TRHDE: variants seen among roughly 807,000 people sequenced by gnomAD.
TRHDE encodes thyrotropin releasing hormone degrading enzyme, also known as thyrotropin-releasing hormone-degrading ectoenzyme.
Under a neutral mutation model 125.7 loss-of-function variants are expected in TRHDE, and 72 were observed. The observed-to-expected ratio is 0.57, with a 90% CI of 0.47 to 0.70. The LOEUF is 0.70. TRHDE is among the 30% of genes least tolerant of loss of function. The probability of loss-of-function intolerance (pLI) is 0.00; values close to 1 mark genes in which losing one functional copy is unlikely to be tolerated. For missense variants in TRHDE, 1,110 were observed against 1,327.1 expected, an observed-to-expected ratio of 0.84 and a Z score of 2.54; for synonymous variants, 509 against 509.1, an observed-to-expected ratio of 1.00 and a Z score of 0.00.
chr12:72,572,303 T>C (rs1035349275), intron 10 of TRHDE, among the ~76,000 whole-genome samples: 3 of 152,118 alleles, frequency 2.0e-5, no homozygotes, highest in Non-Finnish European at 4.4e-5. Context: ...AAGTAAAAAA[T>C]ATAAAATCTT....
At chr12:72,544,637 C>G (rs990416905) in intron 7 of TRHDE, among the ~76,000 whole-genome samples, 1 of 151,046 alleles carries the variant, frequency 6.6e-6, no homozygotes, top group African/African-American at 2.4e-5. Flanking sequence ...CACATAGGAA[C>G]AATGTCTTAA....
At chr12:72,627,689 C>T (rs981762257) in intron 15 of TRHDE, among the ~76,000 whole-genome samples, 2 of 151,730 alleles carry the variant, frequency 1.3e-5, no homozygotes, top group African/African-American at 4.8e-5. Flanking sequence ...GTCAACTTGA[C>T]TTTCTTTTTT....
intron 9 of TRHDE, among the ~76,000 whole-genome samples, chr12:72,563,278 C>T (rs765983140): frequency 1.1e-4 from 17 of 152,074 alleles, no homozygotes; most frequent in Non-Finnish European, 2.1e-4. Context: ...TTTAAATAAT[C>T]ATGGTGGTTA....
intron 3 of TRHDE, among the ~76,000 whole-genome samples, chr12:72,459,828 G>T (rs1876040713): frequency 6.6e-6 from 1 of 152,086 alleles, no homozygotes; most frequent in Non-Finnish European, 1.5e-5. Context: ...ATGTTGCCCA[G>T]ACTGGTCTTG....
chr12:72,144,989 C>T (rs944668656), intron 2 of TRHDE, among the ~76,000 whole-genome samples: 8 of 152,090 alleles, frequency 5.3e-5, no homozygotes, highest in Non-Finnish European at 1.2e-4. Context: ...TTCTCTGCCA[C>T]GTCTACTTGG....
At chr12:72,233,883 T>G (rs1878293257) in intron 2 of TRHDE, among the ~76,000 whole-genome samples, 1 of 152,218 alleles carries the variant, frequency 6.6e-6, no homozygotes, top group African/African-American at 2.4e-5. Flanking sequence ...CAATACTTGC[T>G]TTGTTTTGTC....
At chr12:72,527,250 G>A (rs992028155) in intron 6 of TRHDE, among the ~76,000 whole-genome samples, 3 of 152,080 alleles carry the variant, frequency 2.0e-5, no homozygotes, top group Non-Finnish European at 2.9e-5. Flanking sequence ...TATGTGTTAC[G>A]TGTAAATTCT....
intron 2 of TRHDE, among the ~76,000 whole-genome samples, chr12:72,197,798 C>A (rs1055187643): frequency 2.6e-5 from 4 of 152,120 alleles, no homozygotes; most frequent in Admixed American, 2.0e-4. Context: ...TTAATAATTA[C>A]CTCCTCAAAG....
At chr12:72,170,903 G>A (rs967751068) in intron 2 of TRHDE, among the ~76,000 whole-genome samples, 2 of 152,160 alleles carry the variant, frequency 1.3e-5, no homozygotes, top group Non-Finnish European at 2.9e-5. Context: ...TTGATAGTTG[G>A]AGACAGGGTG....
chr12:72,563,714 A>T (rs1440020773), intron 9 of TRHDE, among the ~76,000 whole-genome samples: 3 of 150,880 alleles, frequency 2.0e-5, no homozygotes, highest in Admixed American at 2.0e-4. Flanking sequence ...TTAAAGTCTG[A>T]GCCAAAGAAA....
chr12:72,590,473 T>G (rs1307676014), intron 12 of TRHDE, among the ~76,000 whole-genome samples: 1 of 152,100 alleles, frequency 6.6e-6, no homozygotes, highest in Non-Finnish European at 1.5e-5. Context: ...CTAGTTCTCA[T>G]TTTGATTCAG....
intron 2 of TRHDE, among the ~76,000 whole-genome samples, chr12:72,116,376 A>G (rs1875443827): frequency 6.6e-6 from 1 of 152,198 alleles, no homozygotes; most frequent in Admixed American, 6.5e-5. Context: ...GTATATACAC[A>G]GTAATGGGAT....
chr12:72,171,294 G>C (rs1373234058), intron 2 of TRHDE, among the ~76,000 whole-genome samples: 2 of 152,162 alleles, frequency 1.3e-5, no homozygotes, highest in Non-Finnish European at 2.9e-5. Flanking sequence ...AAAGCTTAAG[G>C]AAAAGGGGAA....
At chr12:72,420,642 ACTGGGTTCAATT>A (rs1873914127) in intron 3 of TRHDE, among the ~76,000 whole-genome samples, 1 of 152,160 alleles carries the variant, frequency 6.6e-6, no homozygotes, top group Non-Finnish European at 1.5e-5. Flanking sequence ...ATTGAAATAG[ACTGGGTTCAATT>A]CCACCAGAGT....
chr12:72,479,091 GT>G (rs757135465), intron 5 of TRHDE, among the ~76,000 whole-genome samples: 3 of 152,028 alleles, frequency 2.0e-5, no homozygotes, highest in Non-Finnish European at 4.4e-5. Context: ...TGTGGCACTG[GT>G]TAACATGGCA....
chr12:72,276,873 G>A (rs1879507233), intron 1 of TRHDE, among the ~76,000 whole-genome samples: 1 of 152,208 alleles, frequency 6.6e-6, no homozygotes, highest in Non-Finnish European at 1.5e-5. Context: ...GTGTATTTAT[G>A]CTGTAGTCTC....
At chr12:72,369,399 C>T (rs1485710085) in intron 2 of TRHDE, among the ~76,000 whole-genome samples, 3 of 152,014 alleles carry the variant, frequency 2.0e-5, no homozygotes, top group African/African-American at 7.3e-5. Context: ...GAAGAATACA[C>T]AGGAGTAAAG....
intron 12 of TRHDE, among the ~76,000 whole-genome samples, chr12:72,581,878 A>C (rs945803289): frequency 2.0e-5 from 3 of 152,050 alleles, no homozygotes; most frequent in Non-Finnish European, 2.9e-5. Context: ...CGAGGTGGGC[A>C]GATCACGAGG....
chr12:72,487,416 G>T (rs1260647734), intron 5 of TRHDE, among the ~76,000 whole-genome samples: 1 of 152,054 alleles, frequency 6.6e-6, no homozygotes, highest in African/African-American at 2.4e-5. Context: ...TATATAAGGA[G>T]ACCTCCATTA....
Sources: allele counts gnomAD v4.1 joint callset (sites outside exome capture counted in the v4.1 genomes callset), GRCh38; gene constraint gnomAD v4.1.1; transcripts MANE v1.5; gene names NCBI Gene and HGNC (gene_info 2026-07-23, HGNC 2026-07-21).